The following THOP1 variants were observed in gnomAD, a reference collection of about 807,000 sequenced individuals.
THOP1 encodes the protein thimet oligopeptidase 1, also known as thimet oligopeptidase.
THOP1 carries 49 observed loss-of-function variants against 71.8 expected under a neutral mutation model. The ratio of observed to expected loss-of-function variants is 0.68; its 90% CI spans 0.54 to 0.87. The LOEUF (loss-of-function observed/expected upper bound fraction) is 0.87. Among genes scored for constraint, THOP1 ranks in the 40% least tolerant of loss-of-function variants. The pLI, the probability that THOP1 is intolerant of heterozygous loss-of-function variation, is 0.00. For synonymous variants in THOP1, 426 were observed against 421.5 expected (o/e 1.01, Z -0.13); for missense variants, 843 against 975.6 (o/e 0.86, Z 1.81).
At position 2,799,715 on chromosome 19, in the gene THOP1, G is replaced by A; in HGVS notation, c.513G>A (p.Leu171=). 1 of 1,613,932 alleles carries A rather than the reference G, an allele frequency of 6.2e-7. No individual in the cohort carries two copies. The highest frequency in any genetic ancestry group is 8.5e-7 in the Non-Finnish European group (1 of 1,179,950). ...QENIKRIKKK[L]SLLCIDFNKN... ...ACATCAAACGCATCAAGAAGAAGCT[G>A]AGCCTTCTGTGCATCGACTTCAACA... The change falls in exon 5 of 13, where the codon CTG becomes CTA. Residue 171 remains leucine, a synonymous_variant. Transcript: ENST00000307741.
At chr19:2,794,699 G>A in intron 2 of THOP1, 65 bp from the exon 3 acceptor site, 3 of 1,558,894 alleles carry the variant, frequency 1.9e-6, no homozygotes, top group Non-Finnish European at 2.6e-6. Context: ...AGGGGTCCGG[G>A]CAACACCTGC....
rs531541519 is a variant in THOP1 at position 2,804,091 on chromosome 19, G to A, written c.590-925G>A. On this transcript the variant is annotated intron_variant, in intron 5 of 12. Transcript: ENST00000307741. The surrounding 1 kb of genome is among the most constrained non-coding windows in gnomAD (Gnocchi z 4.7). ...TCCCCTGGGGTCGGAGTGAGCTCCC[G>A]ATCATTCTTTCCACTCTGACCGCCC... is the stretch of plus-strand genomic sequence containing the variant. 5.3e-5 allele frequency among the ~76,000 whole-genome samples: 8 copies of A among 151,610 alleles called. No homozygotes were observed. The highest frequency in any genetic ancestry group is 3.9e-4 in the East Asian group (2 of 5,160).
intron 9 of THOP1, 98 bp downstream of exon 9, chr19:2,808,542 T>C: frequency 7.5e-7 from 1 of 1,328,292 alleles, no homozygotes; most frequent in East Asian, 2.6e-5. Context: ...TCCGGCTCTC[T>C]CTGCACCCGT....
At chr19:2,793,886 T>G (rs1300315558) in intron 2 of THOP1, among the ~76,000 whole-genome samples, 1 of 152,232 alleles carries the variant, frequency 6.6e-6, no homozygotes, top group Non-Finnish European at 1.5e-5. Context: ...TTGTCAATTG[T>G]GAATCGCGCT....
intron 4 of THOP1, 88 bp downstream of exon 4, chr19:2,796,276 TG>T: frequency 9.4e-7 from 1 of 1,067,330 alleles, no homozygotes; most frequent in Non-Finnish European, 1.4e-6. Context: ...TCCCAGGGAG[TG>T]GTGGGAGCAA....
At chr19:2,794,711 A>G in intron 2 of THOP1, 53 bp from the exon 3 acceptor site, 1 of 1,574,212 alleles carries the variant, frequency 6.4e-7, no homozygotes, top group Admixed American at 1.7e-5. Flanking sequence ...AACACCTGCC[A>G]GTTGTACTGG....
chr19:2,794,732 C>A (rs1374306851), intron 2 of THOP1, 32 bp from the exon 3 acceptor site: 42 of 1,595,638 alleles, frequency 2.6e-5, no homozygotes, highest in Non-Finnish European at 3.6e-5. Context: ...GGCCTGTTCT[C>A]ACACCTGTCT....
At chr19:2,799,913 C>G in intron 5 of THOP1, 122 bp downstream of exon 5, 2 of 882,338 alleles carry the variant, frequency 2.3e-6, no homozygotes, top group Admixed American at 2.4e-5. Context: ...GGCGGGAGGC[C>G]GAAGTACGTG....
In THOP1 at chr19:2,805,075, G is replaced by T. The variant is rs902379649; in HGVS notation, c.649G>T (p.Val217Phe). ...GAAGATGGAGGACGGCAAGTTGAAGGTCACCCTCAAGTACCCCCATTACTT... is the reference window on the plus strand; with the variant it reads ...GAAGATGGAGGACGGCAAGTTGAAGTTCACCCTCAAGTACCCCCATTACTT... ...LEKMEDGKLK[V>F]TLKYPHYFPL... The change falls in exon 6 of 13, where the codon GTC becomes TTC. Residue 217 changes from valine to phenylalanine, a missense_variant. By Grantham distance (50) the Val-to-Phe change is conservative. Transcript: ENST00000307741. The surrounding 1 kb of genome is among the most constrained non-coding windows in gnomAD (Gnocchi z 6.6). 1.9e-6 allele frequency: 3 copies of T among 1,612,782 alleles called. No homozygotes were observed. Among genetic ancestry groups the T allele is most frequent in the Non-Finnish European group, 2.5e-6 (3 of 1,179,840 alleles).
In THOP1 at chr19:2,799,792, G is replaced by A; in HGVS notation, c.589+1G>A. 1 of 1,613,512 alleles carries A rather than the reference G, an allele frequency of 6.2e-7. No individual in the cohort carries two copies. The highest frequency in any genetic ancestry group is 8.5e-7 in the Non-Finnish European group (1 of 1,179,798). On this transcript the variant is annotated splice_donor_variant, in intron 5 of 12. Transcript: ENST00000307741. LOFTEE classifies it high-confidence loss of function. Reference sequence around the variant, plus strand: ...CTGCCCTTCACGCTCCAGGAGCTAGGTAGGGGCCGAGCAGTGGGGCACGGG... The same window carrying A: ...CTGCCCTTCACGCTCCAGGAGCTAGATAGGGGCCGAGCAGTGGGGCACGGG...
rs113420660 is a variant in THOP1, at chr19:2,805,189, G to C, written c.750+13G>C. On this transcript the variant is annotated intron_variant, in intron 6 of 12. Coordinates refer to ENST00000307741, the MANE Select transcript of THOP1 (RefSeq NM_003249.5). The surrounding 1 kb of genome is among the most constrained non-coding windows in gnomAD (Gnocchi z 6.6). Reference sequence around the variant, plus strand: ...CCGGTGCAAGGAGGTGAGAAGGCACGGCCAGGGGGCCCCAGAACAGTGGGT... The same window carrying C: ...CCGGTGCAAGGAGGTGAGAAGGCACCGCCAGGGGGCCCCAGAACAGTGGGT... 1 of 1,605,872 alleles carries C rather than the reference G, an allele frequency of 6.2e-7. No individual in the cohort carries two copies. Among genetic ancestry groups the C allele is most frequent in the African/African-American group, 1.3e-5 (1 of 74,890 alleles).
In THOP1 at chr19:2,806,586, A is replaced by G. The variant is rs376590965; in HGVS notation, c.751-331A>G. On this transcript the variant is annotated intron_variant, in intron 6 of 12. Transcript: ENST00000307741. ...CTGGTGGCGATAGGCAGAGCCCGTGAGACTGGGAACCAAGGCCTGGACATG... is the reference window on the plus strand; with the variant it reads ...CTGGTGGCGATAGGCAGAGCCCGTGGGACTGGGAACCAAGGCCTGGACATG... 1.4e-4 allele frequency: 51 copies of G among 359,432 alleles called. 1 individual carries two copies. Among genetic ancestry groups the G allele is most frequent in the South Asian group, 8.8e-4 (24 of 27,388 alleles). The allele number at this position is 359,432 out of a possible 1,614,324, so 22.3% of individuals were successfully genotyped here. A position where few individuals can be genotyped will look rare whatever the true frequency, so the allele number is the denominator to read the frequency against.
intron 4 of THOP1, among the ~76,000 whole-genome samples, chr19:2,797,093 C>G (rs942278512): frequency 6.6e-6 from 1 of 152,136 alleles, no homozygotes; most frequent in Non-Finnish European, 1.5e-5. Context: ...GAGGTGTGCT[C>G]TGGGCAGGGC....
rs1013167204 is a variant in THOP1, at chr19:2,790,344, T to G, written c.17-77T>G. 2.6e-5 allele frequency: 36 copies of G among 1,370,314 alleles called. No homozygotes were observed. In the African/African-American group the frequency reaches 5.0e-4, roughly 19 times the overall value. The allele number at this position is 1,370,314 out of a possible 1,614,324, so 84.9% of individuals were successfully genotyped here. A position where few individuals can be genotyped will look rare whatever the true frequency, so the allele number is the denominator to read the frequency against. ...ATGAGAAGCGGGTGATCCCTTCCTT[T>G]CCCTCTGCCCTCCTGACTTTGACCC... On this transcript the variant is annotated intron_variant, in intron 1 of 12. Transcript: ENST00000307741.
At chr19:2,807,206 G>T (rs983623952) in intron 7 of THOP1, among the ~76,000 whole-genome samples, 154 bp downstream of exon 7, 10 of 152,170 alleles carry the variant, frequency 6.6e-5, no homozygotes, top group African/African-American at 1.9e-4. Flanking sequence ...CCCCCCGAGG[G>T]ACCCTTACAG....
chr19:2,788,092 A>G (rs1195285136), intron 1 of THOP1, among the ~76,000 whole-genome samples: 1 of 152,216 alleles, frequency 6.6e-6, no homozygotes, highest in Non-Finnish European at 1.5e-5. Context: ...GGTCTGTAAT[A>G]ACAGCTACCT....
Position 2,807,536 on chromosome 19 carries a change from C to T in THOP1, c.981C>T (p.Pro327=), listed in dbSNP as rs1296686982. The part of the protein sequence containing the change: ...KRAECERRGL[P]FDGRIRAWDM... ...CGGAGTGCGAGCGCCGGGGCCTGCC[C>T]TTCGACGGCCGCATCCGTGCCTGGG... The change falls in exon 8 of 13, where the codon CCC becomes CCT. Residue 327 remains proline (P), a synonymous_variant. Coordinates refer to ENST00000307741, the MANE Select transcript of THOP1 (RefSeq NM_003249.5). 6.2e-7 allele frequency: 1 copy of T among 1,612,290 alleles called. No homozygotes were observed. Among genetic ancestry groups the T allele is most frequent in the African/African-American group, 1.3e-5 (1 of 74,926 alleles).
chr19:2,809,941 G>C (rs1916412946), intron 9 of THOP1: 1 of 312,976 alleles, frequency 3.2e-6, no homozygotes, highest in South Asian at 4.9e-5. Context: ...CACACGAGCA[G>C]GGAGATGCAG....
intron 1 of THOP1, among the ~76,000 whole-genome samples, chr19:2,788,011 G>A (rs1915790910): frequency 6.6e-6 from 1 of 152,134 alleles, no homozygotes; most frequent in Non-Finnish European, 1.5e-5. Context: ...TATTAATACT[G>A]TTCTACAATG....
Sources: allele counts gnomAD v4.1 joint callset (sites outside exome capture counted in the v4.1 genomes callset), GRCh38; gene constraint gnomAD v4.1.1; non-coding constraint Gnocchi (gnomAD v3.1); transcripts MANE v1.5; gene names NCBI Gene and HGNC (gene_info 2026-07-23, HGNC 2026-07-21).